Variants in CCNY observed in about 807,000 individuals in gnomAD.
CCNY encodes cyclin Y.
Under a neutral mutation model 42.8 loss-of-function variants are expected in CCNY, and 19 were observed. That is an observed-to-expected ratio of 0.44 (90% CI 0.31 to 0.65). The LOEUF is 0.65. CCNY is among the 30% of genes least tolerant of loss of function. The probability of loss-of-function intolerance (pLI) is 0.07; values close to 1 mark genes in which losing one functional copy is unlikely to be tolerated. For missense variants in CCNY, 370 were observed against 437.3 expected, an observed-to-expected ratio of 0.85 and a Z score of 1.37; for synonymous variants, 165 against 162.7, an observed-to-expected ratio of 1.01 and a Z score of -0.11.
At chr10:35,248,461 C>T (rs1254552616) in intron 2 of CCNY, among the ~76,000 whole-genome samples, 1 of 151,796 alleles carries the variant, frequency 6.6e-6, no homozygotes, top group Non-Finnish European at 1.5e-5. Flanking sequence ...CTGGCTAACA[C>T]AGCGAAACCC....
At chr10:35,314,595 TATC>T (rs746756729) in intron 3 of CCNY, 4 of 152,218 alleles carry the variant, frequency 2.6e-5, no homozygotes, top group African/African-American at 7.2e-5. Flanking sequence ...ATATGAAATT[TATC>T]ATAACCTTTT....
intron 1 of CCNY, among the ~76,000 whole-genome samples, chr10:35,345,942 T>TG (rs1377422188): frequency 1.3e-5 from 2 of 152,186 alleles, no homozygotes; most frequent in Non-Finnish European, 2.9e-5. Flanking sequence ...CCCTGACTCC[T>TG]GGGGTAATGG....
intron 3 of CCNY, among the ~76,000 whole-genome samples, chr10:35,299,507 T>C (rs954853660): frequency 3.9e-5 from 6 of 152,256 alleles, no homozygotes; most frequent in African/African-American, 7.2e-5. Context: ...TAGTTTATCA[T>C]TGTGAAATGT....
In CCNY at chr10:35,525,854, T is replaced by G. The variant is rs1007130134; in HGVS notation, c.366-110T>G. Reference sequence around the variant, plus strand: ...ATGAGATGGGACTGTTCAGAAAGATTGTTAGACTTTTACTTCTGTTTAAAT... The same window carrying G: ...ATGAGATGGGACTGTTCAGAAAGATGGTTAGACTTTTACTTCTGTTTAAAT... On this transcript the variant is annotated intron_variant, in intron 4 of 9. Coordinates refer to ENST00000374704, the MANE Select transcript of CCNY (RefSeq NM_145012.6). The G allele has an allele frequency of 3.5e-5, 32 of 918,578 alleles. No individual in the cohort carries two copies. The Admixed American group carries it at 7.3e-4, about 21-fold the overall frequency. The allele number at this position is 918,578 out of a possible 1,614,324, so 56.9% of individuals were successfully genotyped here. A position where few individuals can be genotyped will look rare whatever the true frequency, so the allele number is the denominator to read the frequency against.
At chr10:35,309,871 C>T (rs1835661903) in intron 3 of CCNY, among the ~76,000 whole-genome samples, 1 of 152,098 alleles carries the variant, frequency 6.6e-6, no homozygotes, top group South Asian at 2.1e-4. Context: ...GCAATCTCCA[C>T]TCACTTGCAA....
At chr10:35,442,773 TAC>T (rs1752958817) in intron 1 of CCNY, among the ~76,000 whole-genome samples, 2 of 152,224 alleles carry the variant, frequency 1.3e-5, no homozygotes, top group Admixed American at 6.5e-5. Context: ...TTATTTCATA[TAC>T]AGTCGTGTCA....
intron 7 of CCNY, among the ~76,000 whole-genome samples, chr10:35,543,266 C>T (rs1317102614): frequency 1.3e-5 from 2 of 152,100 alleles, no homozygotes; most frequent in Non-Finnish European, 2.9e-5. Context: ...TGACATATTA[C>T]AATGTCAGGG....
intron 2 of CCNY, among the ~76,000 whole-genome samples, chr10:35,490,104 G>A (rs949560211): frequency 6.6e-6 from 1 of 152,106 alleles, no homozygotes; most frequent in African/African-American, 2.4e-5. Context: ...ACAGTGCCAG[G>A]CCCATAGAAA....
intron 3 of CCNY, among the ~76,000 whole-genome samples, chr10:35,305,271 T>C (rs1835593490): frequency 6.6e-6 from 1 of 152,196 alleles, no homozygotes. Context: ...AAAAATTTCC[T>C]ACAGTTAATG....
intron 2 of CCNY, among the ~76,000 whole-genome samples, chr10:35,489,427 AG>A (rs1400136340): frequency 6.6e-6 from 1 of 152,024 alleles, no homozygotes; most frequent in Non-Finnish European, 1.5e-5. Flanking sequence ...CAGCCTCCCG[AG>A]TAGCTGGGAC....
At chr10:35,523,094 A>G (rs1840581510) in intron 4 of CCNY, among the ~76,000 whole-genome samples, 1 of 152,224 alleles carries the variant, frequency 6.6e-6, no homozygotes, top group South Asian at 2.1e-4. Context: ...TACAATTCCC[A>G]GAGGATAGGT....
At chr10:35,328,415 T>C (rs946149753) in intron 3 of CCNY, among the ~76,000 whole-genome samples, 2 of 152,208 alleles carry the variant, frequency 1.3e-5, no homozygotes, top group Non-Finnish European at 2.9e-5. Context: ...CATTCATTGT[T>C]TTTCCTGGCA....
At chr10:35,372,932 A>G (rs1158803116) in intron 1 of CCNY, among the ~76,000 whole-genome samples, 3 of 152,188 alleles carry the variant, frequency 2.0e-5, no homozygotes, top group Admixed American at 6.5e-5. Context: ...TCCTGACTTC[A>G]GGTTATCCAC....
intron 3 of CCNY, among the ~76,000 whole-genome samples, chr10:35,259,409 T>C (rs558094233): frequency 6.6e-6 from 1 of 151,844 alleles, no homozygotes; most frequent in South Asian, 2.1e-4. Flanking sequence ...TCTCACTATG[T>C]TGCCCAAGCT....
chr10:35,270,233 T>TA (rs914640048), intron 3 of CCNY, among the ~76,000 whole-genome samples: 3 of 152,138 alleles, frequency 2.0e-5, no homozygotes, highest in Non-Finnish European at 4.4e-5. Context: ...AGCCCTTTGG[T>TA]AGGGGCACCC....
At chr10:35,521,753 C>T (rs868682440) in intron 4 of CCNY, among the ~76,000 whole-genome samples, 6 of 152,140 alleles carry the variant, frequency 3.9e-5, no homozygotes, top group Admixed American at 1.3e-4. Context: ...TTCCAGGGGC[C>T]GGATGGCACC....
chr10:35,393,005 C>G (rs1837446689), intron 1 of CCNY, among the ~76,000 whole-genome samples: 1 of 152,108 alleles, frequency 6.6e-6, no homozygotes, highest in Non-Finnish European at 1.5e-5. Flanking sequence ...AGCAAGAATC[C>G]CCCTCCCCTT....
chr10:35,467,156 C>T (rs1391660452), intron 1 of CCNY, among the ~76,000 whole-genome samples: 5 of 152,086 alleles, frequency 3.3e-5, no homozygotes, highest in African/African-American at 7.2e-5. Context: ...TGAGTATATA[C>T]GTGAGTAGAA....
intron 2 of CCNY, among the ~76,000 whole-genome samples, chr10:35,492,928 G>T (rs1298321782): frequency 1.3e-5 from 2 of 152,116 alleles, no homozygotes; most frequent in Non-Finnish European, 2.9e-5. Flanking sequence ...TCAGAACTCA[G>T]CATGACCGTG....
Sources: allele counts gnomAD v4.1 joint callset (sites outside exome capture counted in the v4.1 genomes callset), GRCh38; gene constraint gnomAD v4.1.1; transcripts MANE v1.5; gene names NCBI Gene and HGNC (gene_info 2026-07-23, HGNC 2026-07-21).